The following ZNF148 variants were observed in gnomAD, a reference collection of about 807,000 sequenced individuals.
ZNF148 encodes the protein zinc finger protein 148, also known as Beta-Enolase Repressor Factor-1.
In ZNF148, 7 loss-of-function variants were observed where a neutral mutation model predicts 67.7. The ratio of observed to expected loss-of-function variants is 0.10; its 90% CI spans 0.06 to 0.19. The LOEUF is 0.19. Ranked by LOEUF, ZNF148 falls within the 10% of genes least tolerant of loss-of-function variation. ZNF148 has a pLI of 1.00. For missense variants in ZNF148, 583 were observed against 947.1 expected, an observed-to-expected ratio of 0.62 and a Z score of 5.05; for synonymous variants, 333 against 330.7, an observed-to-expected ratio of 1.01 and a Z score of -0.08.
intron 7 of ZNF148, among the ~76,000 whole-genome samples, chr3:125,256,631 G>A (rs535696726): frequency 4.6e-5 from 7 of 152,116 alleles, no homozygotes; most frequent in East Asian, 1.9e-4. Context: ...AGCCGAGATC[G>A]TGCCACTACA....
Position 125,231,230 on chromosome 3 carries a change from AATCT to A in ZNF148, c.*1107_*1110del, listed in dbSNP as rs1935841480. The stretch of plus-strand genomic sequence containing the variant: ...TTCTCTGGATACTGTTTAATTATCC[AATCT>A]ATCAAGAGTCTAGAAAGAAAAAGAT... On this transcript the variant is annotated 3_prime_UTR_variant, in exon 9 of 9. Transcript: ENST00000360647. 1 of 152,510 alleles carries A rather than the reference AATCT, an allele frequency of 6.6e-6. No individual in the cohort carries two copies. The highest frequency in any genetic ancestry group is 2.4e-5 in the African/African-American group (1 of 41,442). 9.4% of individuals were successfully genotyped at this position (152,510 alleles called of 1,614,324 possible).
chr3:125,309,677 T>C (rs1940091218), intron 4 of ZNF148, among the ~76,000 whole-genome samples: 1 of 152,172 alleles, frequency 6.6e-6, no homozygotes. Flanking sequence ...TGTTTAGTAA[T>C]GAGGAACCAC....
At chr3:125,267,244 G>A (rs1416217453) in intron 7 of ZNF148, among the ~76,000 whole-genome samples, 4 of 151,074 alleles carry the variant, frequency 2.6e-5, no homozygotes, top group Non-Finnish European at 4.4e-5. Flanking sequence ...CCAAAATCTG[G>A]CAAAGACACA....
intron 4 of ZNF148, among the ~76,000 whole-genome samples, chr3:125,294,672 C>T (rs1005874004): frequency 3.3e-5 from 5 of 152,104 alleles, no homozygotes; most frequent in Non-Finnish European, 5.9e-5. Context: ...ATGGGGAAGA[C>T]ATGGTCTCTA....
chr3:125,362,229 C>G (rs951232481), intron 1 of ZNF148, among the ~76,000 whole-genome samples: 4 of 152,124 alleles, frequency 2.6e-5, no homozygotes, highest in Non-Finnish European at 2.9e-5. Context: ...ATACTCGAAC[C>G]CTTCTATAAA....
At chr3:125,364,072 G>A (rs1272605737) in intron 1 of ZNF148, among the ~76,000 whole-genome samples, 1 of 152,144 alleles carries the variant, frequency 6.6e-6, no homozygotes, top group Non-Finnish European at 1.5e-5. Flanking sequence ...AATCAACACT[G>A]GTTCTCCACT....
intron 5 of ZNF148, among the ~76,000 whole-genome samples, chr3:125,285,938 T>C (rs1200509768): frequency 6.6e-6 from 1 of 152,204 alleles, no homozygotes; most frequent in Non-Finnish European, 1.5e-5. Context: ...GCTTAAAGCC[T>C]GTAAATACCT....
At chr3:125,368,911 C>T (rs1012064076) in intron 1 of ZNF148, among the ~76,000 whole-genome samples, 1 of 150,264 alleles carries the variant, frequency 6.7e-6, no homozygotes, top group Non-Finnish European at 1.5e-5. Context: ...CGCCACTGCA[C>T]TCCAGCCTGG....
intron 2 of ZNF148, among the ~76,000 whole-genome samples, chr3:125,327,970 T>G (rs907487037): frequency 6.6e-6 from 1 of 152,118 alleles, no homozygotes; most frequent in Non-Finnish European, 1.5e-5. Context: ...GTTTCAAATT[T>G]TTTTTTAAGT....
intron 7 of ZNF148, among the ~76,000 whole-genome samples, chr3:125,255,770 T>G (rs1325864994): frequency 6.6e-6 from 1 of 152,140 alleles, no homozygotes; most frequent in Non-Finnish European, 1.5e-5. Context: ...GTCATTCCAT[T>G]TTTCTCTGAC....
chr3:125,304,772 G>A (rs979053825), intron 4 of ZNF148, among the ~76,000 whole-genome samples: 1 of 152,096 alleles, frequency 6.6e-6, no homozygotes, highest in Non-Finnish European at 1.5e-5. Flanking sequence ...CCTAGGAGCA[G>A]CTATATCCCA....
chr3:125,269,205 C>CAAAAAAAAAAA, intron 7 of ZNF148, among the ~76,000 whole-genome samples: 1 of 96,842 alleles, frequency 1.0e-5, no homozygotes, highest in Non-Finnish European at 1.9e-5. Flanking sequence ...CGGTCTCTAC[C>CAAAAAAAAAAA]AAAAAAAAAA....
chr3:125,343,534 GCTCTGTAAAACA>G (rs1559770813), intron 1 of ZNF148, among the ~76,000 whole-genome samples: 218 of 147,784 alleles, frequency 1.5e-3, no homozygotes, highest in African/African-American at 5.2e-3. Context: ...ACCAATCAGC[GCTCTGTAAAACA>G]CACCAATCAG....
intron 7 of ZNF148, among the ~76,000 whole-genome samples, chr3:125,251,436 A>C (rs1458335902): frequency 6.6e-6 from 1 of 152,220 alleles, no homozygotes; most frequent in Admixed American, 6.5e-5. Flanking sequence ...GAATTTTCTC[A>C]AAGTGAACAC....
chr3:125,241,254 GGT>G (rs1936341088), intron 7 of ZNF148, among the ~76,000 whole-genome samples: 1 of 151,038 alleles, frequency 6.6e-6, no homozygotes, highest in African/African-American at 2.4e-5. Context: ...CCCCGACAAA[GGT>G]AACTACATTT....
intron 4 of ZNF148, chr3:125,292,484 C>T (rs1939069560): frequency 6.6e-6 from 1 of 152,174 alleles, no homozygotes; most frequent in Non-Finnish European, 1.5e-5. Flanking sequence ...TGCTGACCAT[C>T]CCTATCCTAC....
In ZNF148 at chr3:125,270,098, CT is replaced by C. The variant is rs1045964355; in HGVS notation, c.667+7627del. ...TGTAAGAAACTTGCATATGTACCCC[CT>C]GAATCTAAAGTAAAAATTTTAATTA... On this transcript the variant is annotated intron_variant, in intron 7 of 8. Transcript: ENST00000360647. Among the ~76,000 whole-genome samples the C allele has an allele frequency of 3.5e-4, 54 of 152,176 alleles. 1 individual carries two copies. Among genetic ancestry groups the C allele is most frequent in the African/African-American group, 1.2e-3 (50 of 41,522 alleles).
rs1935885254 is a variant in ZNF148, at chr3:125,232,295, TA to T, written c.*45del. On this transcript the variant is annotated 3_prime_UTR_variant, in exon 9 of 9. Coordinates refer to ENST00000360647, the MANE Select transcript of ZNF148 (RefSeq NM_021964.3). The surrounding 1 kb of genome is among the most constrained non-coding windows in gnomAD (Gnocchi z 4.2). ...TACACAGAGTAACCCCACTCTTGAT[TA>T]ATCTGTTCTAAAGTGCCAGTATTAT... The T allele has an allele frequency of 6.5e-7, 1 of 1,541,618 alleles. No individual in the cohort carries two copies. Among genetic ancestry groups the T allele is most frequent in the African/African-American group, 1.4e-5 (1 of 72,584 alleles).
At position 125,342,837 on chromosome 3, in the gene ZNF148, A is replaced by C. The variant is rs559767235; in HGVS notation, c.-233-11599T>G. Among the ~76,000 whole-genome samples, 7 of 152,316 alleles carry C rather than the reference A, an allele frequency of 4.6e-5. No individual in the cohort carries two copies. The East Asian group carries it at 1.3e-3, about 29-fold the overall frequency. ...AGACAATTATATTTAAAATTGGAGA[A>C]GGTGAAAGGTAAAATAAAAGTGAGG... On this transcript the variant is annotated intron_variant, in intron 1 of 8. Coordinates refer to ENST00000360647, the MANE Select transcript of ZNF148 (RefSeq NM_021964.3).
Sources: allele counts gnomAD v4.1 joint callset (sites outside exome capture counted in the v4.1 genomes callset), GRCh38; gene constraint gnomAD v4.1.1; non-coding constraint Gnocchi (gnomAD v3.1); transcripts MANE v1.5; gene names NCBI Gene and HGNC (gene_info 2026-07-23, HGNC 2026-07-21).